Variants in KCTD16 observed in about 807,000 individuals in gnomAD.
The protein encoded by KCTD16 is BTB/POZ domain-containing protein KCTD16.
A neutral mutation model predicts 33.2 loss-of-function variants in KCTD16; 13 were observed. The ratio of observed to expected loss-of-function variants is 0.39; its 90% CI spans 0.25 to 0.62. The LOEUF is 0.62. Ranked by LOEUF, KCTD16 falls within the 20% of genes least tolerant of loss-of-function variation. KCTD16 has a pLI of 0.50. For missense variants in KCTD16, 441 were observed against 525.1 expected, an observed-to-expected ratio of 0.84 and a Z score of 1.57; for synonymous variants, 197 against 195.3, an observed-to-expected ratio of 1.01 and a Z score of -0.07.
At chr5:144,309,344 G>A (rs1373426566) in intron 3 of KCTD16, among the ~76,000 whole-genome samples, 1 of 151,632 alleles carries the variant, frequency 6.6e-6, no homozygotes, top group Non-Finnish European at 1.5e-5. Flanking sequence ...TGGAGACCCA[G>A]GGCATTCATA....
chr5:144,238,603 A>G (rs1322496069), intron 3 of KCTD16, among the ~76,000 whole-genome samples: 1 of 152,110 alleles, frequency 6.6e-6, no homozygotes, highest in Non-Finnish European at 1.5e-5. Flanking sequence ...TGCCTCCATG[A>G]TCACCTGGTC....
intron 3 of KCTD16, among the ~76,000 whole-genome samples, chr5:144,283,646 T>C (rs766263845): frequency 3.0e-4 from 45 of 152,204 alleles, no homozygotes; most frequent in Non-Finnish European, 5.3e-4. Context: ...GCTTGATAGA[T>C]AATTACTAGC....
intron 3 of KCTD16, among the ~76,000 whole-genome samples, chr5:144,416,186 T>C (rs1753049267): frequency 6.6e-6 from 1 of 152,220 alleles, no homozygotes; most frequent in Admixed American, 6.5e-5. Flanking sequence ...CTCAGTGTTG[T>C]ACAAGTAATA....
intron 3 of KCTD16, among the ~76,000 whole-genome samples, chr5:144,259,411 A>G (rs774520740): frequency 6.6e-6 from 1 of 152,140 alleles, no homozygotes; most frequent in Non-Finnish European, 1.5e-5. Flanking sequence ...TTCCTTTTCA[A>G]TAGGCCTTGC....
At chr5:144,310,314 T>C (rs1308501079) in intron 3 of KCTD16, among the ~76,000 whole-genome samples, 1 of 152,212 alleles carries the variant, frequency 6.6e-6, no homozygotes, top group African/African-American at 2.4e-5. Flanking sequence ...ATGGCACTTA[T>C]GTTTATTCCA....
At chr5:144,429,438 A>G (rs1287500647) in intron 3 of KCTD16, among the ~76,000 whole-genome samples, 2 of 152,132 alleles carry the variant, frequency 1.3e-5, no homozygotes, top group African/African-American at 4.8e-5. Context: ...CAGGTAGTGA[A>G]CTAACACCAT....
intron 3 of KCTD16, among the ~76,000 whole-genome samples, chr5:144,298,800 C>T: frequency 6.6e-6 from 1 of 151,690 alleles, no homozygotes; most frequent in Middle Eastern, 3.2e-3. Flanking sequence ...GTCCTCTCAT[C>T]ATCACAACTT....
intron 3 of KCTD16, among the ~76,000 whole-genome samples, chr5:144,441,002 T>A (rs1753694194): frequency 6.6e-6 from 1 of 151,938 alleles, no homozygotes; most frequent in Non-Finnish European, 1.5e-5. Flanking sequence ...TGGTTTTTTG[T>A]CCTTGCGATA....
chr5:144,418,579 T>G (rs1323798767), intron 3 of KCTD16, among the ~76,000 whole-genome samples: 4 of 152,130 alleles, frequency 2.6e-5, no homozygotes, highest in Non-Finnish European at 4.4e-5. Flanking sequence ...AGACTGTACT[T>G]CTTTACTGGT....
chr5:144,458,709 C>G (rs146160271), intron 3 of KCTD16, among the ~76,000 whole-genome samples: 73 of 152,296 alleles, frequency 4.8e-4, no homozygotes, highest in African/African-American at 1.6e-3. Context: ...CCTGAACATA[C>G]TGAAAACCTG....
At chr5:144,468,704 A>T (rs555911221) in intron 3 of KCTD16, among the ~76,000 whole-genome samples, 1 of 152,334 alleles carries the variant, frequency 6.6e-6, no homozygotes, top group African/African-American at 2.4e-5. Flanking sequence ...CTGGCCACCT[A>T]GCTCCCAGAC....
rs535150452 is a variant in KCTD16 at position 144,357,224 on chromosome 5, C to T, written c.833-116436C>T. ...TTATGAGTTTTCAGGGTGTTCCCTG[C>T]TTAATGGCATTCAGCTGAAGAGTTA... is the stretch of plus-strand genomic sequence containing the variant. On this transcript the variant is annotated intron_variant, in intron 3 of 3. Transcript: ENST00000512467. 1.8e-4 allele frequency among the ~76,000 whole-genome samples: 28 copies of T among 152,124 alleles called. No individual in the cohort carries two copies. In the South Asian group the frequency reaches 5.8e-3, roughly 32 times the overall value.
At chr5:144,259,448 A>G (rs1020290472) in intron 3 of KCTD16, among the ~76,000 whole-genome samples, 1 of 152,080 alleles carries the variant, frequency 6.6e-6, no homozygotes, top group Non-Finnish European at 1.5e-5. Flanking sequence ...TTCTAAATGT[A>G]TGGCATTCGA....
intron 3 of KCTD16, among the ~76,000 whole-genome samples, chr5:144,342,051 A>G (rs1380731256): frequency 1.3e-5 from 2 of 152,188 alleles, no homozygotes; most frequent in Non-Finnish European, 2.9e-5. Context: ...TTTAGTTAGC[A>G]ATGCGGGCTC....
chr5:144,298,852 C>G (rs999444643), intron 3 of KCTD16, among the ~76,000 whole-genome samples: 4 of 151,218 alleles, frequency 2.6e-5, no homozygotes, highest in African/African-American at 9.7e-5. Flanking sequence ...CCAGCTTATT[C>G]TAAGTCCTTT....
intron 3 of KCTD16, among the ~76,000 whole-genome samples, chr5:144,212,057 T>G (rs975386745): frequency 1.3e-5 from 2 of 152,174 alleles, no homozygotes; most frequent in African/African-American, 2.4e-5. Context: ...TCCTTTTACC[T>G]TGAAGAAAGT....
At chr5:144,258,850 C>A (rs1754920935) in intron 3 of KCTD16, among the ~76,000 whole-genome samples, 1 of 152,122 alleles carries the variant, frequency 6.6e-6, no homozygotes, top group South Asian at 2.1e-4. Context: ...CATTTGCTTA[C>A]CTGCAGAGAA....
rs150993758 is a variant in KCTD16 at position 144,322,116 on chromosome 5, G to T, written c.832+114570G>T. 2.0e-4 allele frequency among the ~76,000 whole-genome samples: 30 copies of T among 152,156 alleles called. No individual in the cohort carries two copies. The East Asian group carries it at 4.8e-3, about 24-fold the overall frequency. On this transcript the variant is annotated intron_variant, in intron 3 of 3. Coordinates refer to ENST00000512467, the MANE Select transcript of KCTD16 (RefSeq NM_020768.4). Reference sequence around the variant, plus strand: ...AGGGATAAGAATAATTCTAAAAGCAGATTTTTTTTATTGTCCTGAGTTTAT... The same window carrying T: ...AGGGATAAGAATAATTCTAAAAGCATATTTTTTTTATTGTCCTGAGTTTAT...
In KCTD16 at chr5:144,396,768, T is replaced by G. The variant is rs557601076; in HGVS notation, c.833-76892T>G. ...TAAAACAGGCTCAAAATAAGTCTCATGCTTATCAATGCTCTAATGTCTCAT... is the reference window on the plus strand; with the variant it reads ...TAAAACAGGCTCAAAATAAGTCTCAGGCTTATCAATGCTCTAATGTCTCAT... On this transcript the variant is annotated intron_variant, in intron 3 of 3. Coordinates refer to ENST00000512467, the MANE Select transcript of KCTD16 (RefSeq NM_020768.4). Among the ~76,000 whole-genome samples the G allele has an allele frequency of 2.0e-5, 3 of 152,200 alleles. No homozygotes were observed. The East Asian group carries it at 5.8e-4, about 29-fold the overall frequency.
Sources: gnomAD v4.1 joint callset for allele counts (sites outside exome capture counted in the v4.1 genomes callset) on GRCh38, gnomAD v4.1.1 for gene constraint, MANE v1.5 for transcripts, NCBI Gene and HGNC (gene_info 2026-07-23, HGNC 2026-07-21) for gene names.